Variants in FAF1 observed in about 807,000 individuals in gnomAD.
FAF1 encodes the protein FAS-associated factor 1.
A neutral mutation model predicts 92.5 loss-of-function variants in FAF1; 25 were observed. The ratio of observed to expected loss-of-function variants is 0.27; its 90% CI spans 0.20 to 0.38. FAF1 has a LOEUF of 0.38. FAF1 is among the 10% of genes least tolerant of loss of function. The probability of loss-of-function intolerance (pLI) is 1.00; values close to 1 mark genes in which losing one functional copy is unlikely to be tolerated. For missense variants in FAF1, 636 were observed against 793.3 expected (o/e 0.80, Z 2.38); for synonymous variants, 234 against 273.2 (o/e 0.86, Z 1.42).
At chr1:50,710,167 A>G (rs1238739242) in intron 6 of FAF1, among the ~76,000 whole-genome samples, 1 of 152,160 alleles carries the variant, frequency 6.6e-6, no homozygotes, top group Admixed American at 6.5e-5. Flanking sequence ...GAATCTATGC[A>G]TATGTTTAAT....
intron 1 of FAF1, among the ~76,000 whole-genome samples, chr1:50,907,551 T>A (rs944848802): frequency 2.0e-5 from 3 of 152,210 alleles, no homozygotes; most frequent in African/African-American, 7.2e-5. Context: ...TTGCCTCAAT[T>A]TCAGAGCCTG....
At chr1:50,780,991 G>A in intron 4 of FAF1, 1 of 481,096 alleles carries the variant, frequency 2.1e-6, no homozygotes, top group Non-Finnish European at 4.2e-6. Flanking sequence ...TGACTCCAAG[G>A]CAGCTTAGCT....
intron 13 of FAF1, among the ~76,000 whole-genome samples, chr1:50,565,232 T>A (rs1044748769): frequency 6.6e-6 from 1 of 152,084 alleles, no homozygotes; most frequent in African/African-American, 2.4e-5. Flanking sequence ...TAGAAATAAT[T>A]CCATTCCCCT....
chr1:50,660,964 A>G (rs1655344549), intron 7 of FAF1, among the ~76,000 whole-genome samples: 1 of 152,214 alleles, frequency 6.6e-6, no homozygotes, highest in Admixed American at 6.5e-5. Flanking sequence ...AATCCTAGGT[A>G]CAGGAAAAGA....
intron 1 of FAF1, among the ~76,000 whole-genome samples, chr1:50,945,395 C>G (rs566373052): frequency 4.6e-5 from 7 of 152,286 alleles, no homozygotes; most frequent in African/African-American, 1.7e-4. Context: ...CAGGAGCAAG[C>G]AGGAGCCACA....
At chr1:50,884,620 T>C (rs1219093932) in intron 1 of FAF1, among the ~76,000 whole-genome samples, 14 of 152,130 alleles carry the variant, frequency 9.2e-5, no homozygotes. Context: ...CCCTTGGTCA[T>C]GATTAATAAC....
At position 50,746,991 on chromosome 1, in the gene FAF1, G is replaced by A. The variant is rs998501731; in HGVS notation, c.368-2216C>T. Among the ~76,000 whole-genome samples, 54 of 152,184 alleles carry A rather than the reference G, an allele frequency of 3.5e-4. 1 individual carries two copies. The highest frequency in any genetic ancestry group is 1.3e-3 in the African/African-American group (54 of 41,458). ...TGTTAAGCCTGCAGGTGCACAGAAT[G>A]CAAGAGTTGAGGCATGGGGGCCCCC... On this transcript the variant is annotated intron_variant, in intron 4 of 18. Coordinates refer to ENST00000396153, the MANE Select transcript of FAF1 (RefSeq NM_007051.3).
At chr1:50,805,767 G>A (rs1343516435) in intron 2 of FAF1, among the ~76,000 whole-genome samples, 4 of 152,162 alleles carry the variant, frequency 2.6e-5, no homozygotes, top group African/African-American at 9.7e-5. Context: ...GAATGAAGAT[G>A]AGACAGGGAT....
In FAF1 at chr1:50,691,305, C is replaced by T. The variant is rs151257493; in HGVS notation, c.657+14481G>A. Among the ~76,000 whole-genome samples, 1,199 of 151,972 alleles carry T rather than the reference C, an allele frequency of 7.9e-3. 12 individuals carry two copies. The highest frequency in any genetic ancestry group is 0.027 in the African/African-American group (1,127 of 41,428). ...TTGCCCAGGCTGGAGTGCAGTGGCA[C>T]GATCTCAGCTCACTGCAGCCTCCAT... On this transcript the variant is annotated intron_variant, in intron 7 of 18. Coordinates refer to ENST00000396153, the MANE Select transcript of FAF1 (RefSeq NM_007051.3).
intron 6 of FAF1, among the ~76,000 whole-genome samples, chr1:50,734,980 C>A (rs1312899417): frequency 6.6e-6 from 1 of 152,048 alleles, no homozygotes; most frequent in Admixed American, 6.6e-5. Flanking sequence ...ACATTTAGAG[C>A]AGGTGAAGAA....
At chr1:50,869,242 T>C (rs1644507583) in intron 1 of FAF1, among the ~76,000 whole-genome samples, 2 of 152,202 alleles carry the variant, frequency 1.3e-5, no homozygotes. Flanking sequence ...TTTTTAACTG[T>C]GGCTTTACTT....
At chr1:50,496,258 T>C (rs1214940291) in intron 15 of FAF1, among the ~76,000 whole-genome samples, 1 of 152,220 alleles carries the variant, frequency 6.6e-6, no homozygotes, top group Non-Finnish European at 1.5e-5. Context: ...CCCTGCTCCT[T>C]GCTCTACCAA....
At chr1:50,642,933 C>A (rs1326458286) in intron 8 of FAF1, among the ~76,000 whole-genome samples, 1 of 152,034 alleles carries the variant, frequency 6.6e-6, no homozygotes, top group Non-Finnish European at 1.5e-5. Flanking sequence ...CTCTGCCTCC[C>A]AGGTTCAAGC....
chr1:50,925,074 CA>C (rs1325176199), intron 1 of FAF1, among the ~76,000 whole-genome samples: 14 of 152,046 alleles, frequency 9.2e-5, no homozygotes, highest in Non-Finnish European at 8.8e-5. Flanking sequence ...TATTTTTAGC[CA>C]ACTGATACTC....
At chr1:50,506,481 C>A (rs891846951) in intron 15 of FAF1, among the ~76,000 whole-genome samples, 2 of 152,134 alleles carry the variant, frequency 1.3e-5, no homozygotes, top group African/African-American at 2.4e-5. Context: ...ATCTTTCAGG[C>A]CCAACCTAAG....
At chr1:50,483,635 T>C (rs184785720) in intron 17 of FAF1, among the ~76,000 whole-genome samples, 20 of 152,246 alleles carry the variant, frequency 1.3e-4, no homozygotes, top group Non-Finnish European at 2.2e-4. Flanking sequence ...ATTAAGACTA[T>C]AGGAAAGGCA....
intron 1 of FAF1, among the ~76,000 whole-genome samples, chr1:50,954,884 C>G (rs1357238506): frequency 6.6e-6 from 1 of 152,150 alleles, no homozygotes; most frequent in East Asian, 1.9e-4. Flanking sequence ...TGGCACACAT[C>G]TGTAGTCCCA....
intron 3 of FAF1, among the ~76,000 whole-genome samples, chr1:50,797,237 C>G (rs1270065837): frequency 6.6e-6 from 1 of 152,068 alleles, no homozygotes; most frequent in Non-Finnish European, 1.5e-5. Context: ...CCAAAGAATA[C>G]AAAAGCATCC....
chr1:50,609,583 T>C (rs1207409420), intron 8 of FAF1, among the ~76,000 whole-genome samples: 1 of 152,162 alleles, frequency 6.6e-6, no homozygotes, highest in East Asian at 1.9e-4. Flanking sequence ...AGTCTTGCTA[T>C]GTTGCCCACA....
Sources: gnomAD v4.1 joint callset for allele counts (sites outside exome capture counted in the v4.1 genomes callset) on GRCh38, gnomAD v4.1.1 for gene constraint, MANE v1.5 for transcripts, NCBI Gene and HGNC (gene_info 2026-07-23, HGNC 2026-07-21) for gene names.